Variants in CCDC77 observed in about 807,000 individuals in gnomAD.
CCDC77 encodes the protein coiled-coil domain-containing protein 77.
A neutral mutation model predicts 66.8 loss-of-function variants in CCDC77; 56 were observed. The observed-to-expected ratio is 0.84, with a 90% CI of 0.68 to 1.05. The LOEUF (loss-of-function observed/expected upper bound fraction) is 1.05. Among genes scored for constraint, CCDC77 ranks in the 50% least tolerant of loss-of-function variants. The pLI, the probability that CCDC77 is intolerant of heterozygous loss-of-function variation, is 0.00. For synonymous variants in CCDC77, 196 were observed against 195.2 expected (o/e 1.00, Z -0.03); for missense variants, 570 against 576.8 (o/e 0.99, Z 0.12).
chr12:429,156 G>A (rs1387100600), intron 6 of CCDC77, among the ~76,000 whole-genome samples: 1 of 152,120 alleles, frequency 6.6e-6, no homozygotes, highest in African/African-American at 2.4e-5. Context: ...TGATGCTTAA[G>A]TTTCTTTTTA....
intron 3 of CCDC77, among the ~76,000 whole-genome samples, chr12:411,484 T>A (rs930259017): frequency 6.9e-6 from 1 of 145,308 alleles, no homozygotes; most frequent in African/African-American, 2.5e-5. Flanking sequence ...CCGGCCAAGA[T>A]TTTTTTTTTT....
intron 5 of CCDC77, among the ~76,000 whole-genome samples, chr12:426,109 C>T (rs775112569): frequency 6.6e-6 from 1 of 152,160 alleles, no homozygotes; most frequent in South Asian, 2.1e-4. Flanking sequence ...GTGGTCCACC[C>T]GCCTCGGCCT....
chr12:404,114 C>T (rs1013783462), intron 1 of CCDC77, among the ~76,000 whole-genome samples: 15 of 152,108 alleles, frequency 9.9e-5, no homozygotes, highest in Admixed American at 1.3e-4. Flanking sequence ...GTCAGGAGTT[C>T]GAGACCAGCC....
chr12:441,885 G>A lies in CCDC77; in HGVS notation c.1432G>A (p.Val478Met), dbSNP rs1193468671. The change falls in exon 13 of 13, where the codon GTG (valine) becomes ATG (methionine). Residue 478 changes from valine to methionine, a missense_variant. Transcript: ENST00000239830. ...AGAACTGAAGAATCTTAAGTCGAAAGTGTTTGGTCTGGAGAATGAACTTAG... is the reference window on the plus strand; with the variant it reads ...AGAACTGAAGAATCTTAAGTCGAAAATGTTTGGTCTGGAGAATGAACTTAG... ...QGELKNLKSK[V>M]FGLENELRLC 13 of 1,613,938 alleles carry A rather than the reference G, an allele frequency of 8.1e-6. No individual in the cohort carries two copies. The highest frequency in any genetic ancestry group is 1.1e-5 in the Non-Finnish European group (13 of 1,180,016).
Position 402,263 on chromosome 12 carries a change from C to T in CCDC77, c.-71+579C>T, listed in dbSNP as rs138376013. Reference sequence around the variant, plus strand: ...GGCAATGAAGAGTAAGACGCGATTTCTGTCTGTAGGGAGCGCACGCTAGCA... The same window carrying T: ...GGCAATGAAGAGTAAGACGCGATTTTTGTCTGTAGGGAGCGCACGCTAGCA... On this transcript the variant is annotated intron_variant, in intron 1 of 12. Coordinates refer to ENST00000239830, the MANE Select transcript of CCDC77 (RefSeq NM_032358.4). Among the ~76,000 whole-genome samples, 871 of 152,298 alleles carry T rather than the reference C, an allele frequency of 5.7e-3. 16 individuals carry two copies. The highest frequency in any genetic ancestry group is 0.02 in the African/African-American group (812 of 41,554).
At chr12:431,295 T>C (rs1945647485) in intron 7 of CCDC77, among the ~76,000 whole-genome samples, 1 of 151,472 alleles carries the variant, frequency 6.6e-6, no homozygotes, top group Non-Finnish European at 1.5e-5. Context: ...CTTGGCTCAT[T>C]GCTGCCTCTG....
intron 6 of CCDC77, 68 bp from the exon 7 acceptor site, chr12:430,596 C>G: frequency 8.6e-7 from 1 of 1,162,462 alleles, no homozygotes; most frequent in East Asian, 2.3e-5. Context: ...ATCTGCAGAA[C>G]TAAGGCTGAA....
intron 1 of CCDC77, among the ~76,000 whole-genome samples, chr12:394,917 A>G (rs988897041): frequency 1.3e-5 from 2 of 152,248 alleles, no homozygotes; most frequent in Admixed American, 6.5e-5. Flanking sequence ...AAGACAAAGT[A>G]TCGGCTCTCA....
chr12:389,571 C>CGG (rs57308009), intron 1 of CCDC77: 2 of 223,106 alleles, frequency 9.0e-6, no homozygotes, highest in Admixed American at 5.6e-5. Flanking sequence ...GGGCGAGGCG[C>CGG]AACGAGGCGG....
intron 10 of CCDC77, among the ~76,000 whole-genome samples, chr12:439,500 A>T (rs1178111715): frequency 1.4e-5 from 2 of 146,694 alleles, no homozygotes; most frequent in Non-Finnish European, 3.0e-5. Context: ...AGCCTGGGCG[A>T]CAGAGTGGGA....
At position 409,426 on chromosome 12, in the gene CCDC77, G is replaced by C. The variant is rs2137544873; in HGVS notation, c.38+5G>C. ...ACACACCCCTGTCTGCAGAAAGTAA[G>C]ACATTTGCTTATTTTCAAGTTGTTA... On this transcript the variant is annotated splice_donor_5th_base_variant and intron_variant, in intron 3 of 12. Transcript: ENST00000239830. 1 of 1,612,788 alleles carries C rather than the reference G, an allele frequency of 6.2e-7. No individual in the cohort carries two copies. Among genetic ancestry groups the C allele is most frequent in the Non-Finnish European group, 8.5e-7 (1 of 1,179,394 alleles).
chr12:413,557 A>C (rs1412026819), intron 4 of CCDC77, among the ~76,000 whole-genome samples: 1 of 148,082 alleles, frequency 6.8e-6, no homozygotes, highest in Non-Finnish European at 1.5e-5. Flanking sequence ...TACTCTTTTT[A>C]TATAAATGGC....
chr12:415,342 A>T (rs1202886177), intron 4 of CCDC77, among the ~76,000 whole-genome samples: 2 of 101,966 alleles, frequency 2.0e-5, no homozygotes, highest in African/African-American at 7.4e-5. Context: ...TATTATGTTA[A>T]TATAATCAAC....
Position 433,279 on chromosome 12 carries a change from C to T in CCDC77, c.778C>T (p.Gln260Ter), listed in dbSNP as rs893823611. The change falls in exon 9 of 13, where the codon CAG (glutamine) becomes TAG (stop). Residue 260 changes from glutamine to a stop codon, truncating the protein, a stop_gained. Transcript: ENST00000239830. LOFTEE classifies it high-confidence loss of function. ...GATTCACCTTGAGGAAATACAAGTT[C>T]AGCACCAGAGAAATCAGAACAAAAT... The part of the protein sequence containing the change: ...RRIHLEEIQV[Q>*]HQRNQNKIKE... 3.1e-6 allele frequency: 5 copies of T among 1,613,908 alleles called. No homozygotes were observed. The highest frequency in any genetic ancestry group is 4.2e-6 in the Non-Finnish European group (5 of 1,180,020).
At chr12:413,254 T>C (rs1945150209) in intron 4 of CCDC77, among the ~76,000 whole-genome samples, 1 of 148,692 alleles carries the variant, frequency 6.7e-6, no homozygotes, top group African/African-American at 2.5e-5. Context: ...TTTGTTTTTT[T>C]GAGACAGCGT....
At chr12:430,575 T>G in intron 6 of CCDC77, 89 bp from the exon 7 acceptor site, 1 of 927,752 alleles carries the variant, frequency 1.1e-6, no homozygotes, top group Admixed American at 1.7e-5. Flanking sequence ...TAATTTAACT[T>G]CTAGTGTTCA....
At chr12:396,891 C>G (rs921676962), upstream of CCDC77, among the ~76,000 whole-genome samples, 1 of 152,126 alleles carries the variant, frequency 6.6e-6, no homozygotes, top group African/African-American at 2.4e-5. Context: ...AGTTTATAAG[C>G]AGGAGTGTGA....
intron 4 of CCDC77, among the ~76,000 whole-genome samples, chr12:415,377 CATA>C (rs200403651): frequency 1.5e-4 from 16 of 108,360 alleles, no homozygotes; most frequent in African/African-American, 2.9e-4. Context: ...ATATAATCAA[CATA>C]ATATTATGTT....
chr12:430,517 T>C, intron 6 of CCDC77, 147 bp from the exon 7 acceptor site: 1 of 662,280 alleles, frequency 1.5e-6, no homozygotes, highest in South Asian at 1.7e-5. Context: ...TTTGCCTGTG[T>C]GGTCTGTCAT....
Sources: allele counts gnomAD v4.1 joint callset (sites outside exome capture counted in the v4.1 genomes callset), GRCh38; gene constraint gnomAD v4.1.1; transcripts MANE v1.5; gene names NCBI Gene and HGNC (gene_info 2026-07-23, HGNC 2026-07-21).